The following TNS3 variants were observed in gnomAD, a reference collection of about 807,000 sequenced individuals.
TNS3 encodes the protein tensin-3.
Under a neutral mutation model 140.9 loss-of-function variants are expected in TNS3, and 45 were observed. The ratio of observed to expected loss-of-function variants is 0.32; its 90% CI spans 0.25 to 0.41. TNS3 has a LOEUF of 0.41. TNS3 is among the 10% of genes least tolerant of loss of function. The pLI is 1.00. For synonymous variants in TNS3, 815 were observed against 788.4 expected (o/e 1.03, Z -0.56); for missense variants, 1,716 against 1,906.7 (o/e 0.90, Z 1.86).
chr7:47,572,034 G>A (rs1042517025), intron 1 of TNS3, among the ~76,000 whole-genome samples: 9 of 152,208 alleles, frequency 5.9e-5, no homozygotes, highest in East Asian at 3.8e-4. Context: ...GCATGACCAC[G>A]CAGAGGGGCC....
chr7:47,404,742 G>A (rs1305991740), intron 13 of TNS3, among the ~76,000 whole-genome samples: 2 of 152,086 alleles, frequency 1.3e-5, no homozygotes, highest in African/African-American at 4.8e-5. Flanking sequence ...CAAAAAGCCG[G>A]TCATGGGGGC....
chr7:47,530,095 GAGAA>G lies in TNS3; in HGVS notation c.-264-952_-264-949del, dbSNP rs1306666677. The stretch of plus-strand genomic sequence containing the variant: ...GAGAAATAAAAGCCTATGTCCACAA[GAGAA>G]AGAAAGGTCATAACAGCTTTATATA... On this transcript the variant is annotated intron_variant, in intron 1 of 30. Coordinates refer to ENST00000311160, the MANE Select transcript of TNS3 (RefSeq NM_022748.12). Among the ~76,000 whole-genome samples, 39 of 152,228 alleles carry G rather than the reference GAGAA, an allele frequency of 2.6e-4. No homozygotes were observed. In the East Asian group the frequency reaches 2.9e-3, roughly 11 times the overall value.
chr7:47,367,607 T>A (rs550207423), intron 17 of TNS3, among the ~76,000 whole-genome samples: 25 of 152,146 alleles, frequency 1.6e-4, no homozygotes, highest in Non-Finnish European at 3.4e-4. Context: ...GCAGTTAGCA[T>A]GACCCCGGCC....
intron 10 of TNS3, 24 bp downstream of exon 10, chr7:47,424,077 C>G (rs1794518557): frequency 6.2e-7 from 1 of 1,612,206 alleles, no homozygotes; most frequent in East Asian, 2.2e-5. Flanking sequence ...CCTCTTCACT[C>G]TGGCTTTGGG....
intron 1 of TNS3, among the ~76,000 whole-genome samples, chr7:47,578,302 C>T (rs1447261193): frequency 6.6e-6 from 1 of 151,972 alleles, no homozygotes; most frequent in Non-Finnish European, 1.5e-5. Flanking sequence ...AGCAAGACTC[C>T]ATCTCAAAAA....
At chr7:47,320,044 T>C (rs1168089064) in intron 20 of TNS3, among the ~76,000 whole-genome samples, 1 of 152,230 alleles carries the variant, frequency 6.6e-6, no homozygotes, top group African/African-American at 2.4e-5. Flanking sequence ...TGTACTCTCA[T>C]TGCAGTAAAT....
intron 13 of TNS3, among the ~76,000 whole-genome samples, chr7:47,402,312 C>T (rs899646791): frequency 3.3e-5 from 5 of 152,196 alleles, no homozygotes; most frequent in Admixed American, 2.0e-4. Flanking sequence ...TACGGCCTGG[C>T]GCTGGCCAGC....
intron 16 of TNS3, among the ~76,000 whole-genome samples, chr7:47,374,651 A>G (rs751089324): frequency 1.7e-4 from 26 of 152,202 alleles, no homozygotes; most frequent in Non-Finnish European, 3.1e-4. Context: ...CCAATGAGAA[A>G]CCAAACAGGA....
chr7:47,430,361 G>A (rs1460217242), intron 8 of TNS3, among the ~76,000 whole-genome samples: 1 of 151,884 alleles, frequency 6.6e-6, no homozygotes, highest in Non-Finnish European at 1.5e-5. Context: ...AACTCCCGAT[G>A]TCAGGTGATC....
intron 1 of TNS3, among the ~76,000 whole-genome samples, chr7:47,562,802 A>G (rs1474706740): frequency 2.0e-5 from 3 of 152,210 alleles, no homozygotes; most frequent in African/African-American, 7.2e-5. Context: ...ATTCTTAACT[A>G]CGTACAAAAC....
intron 1 of TNS3, among the ~76,000 whole-genome samples, chr7:47,548,073 T>C (rs1403842584): frequency 1.3e-5 from 2 of 152,166 alleles, no homozygotes; most frequent in Non-Finnish European, 2.9e-5. Flanking sequence ...GCTAATTTTG[T>C]ATTTTTAGTA....
chr7:47,572,172 T>C (rs1317841639), intron 1 of TNS3, among the ~76,000 whole-genome samples: 2 of 152,196 alleles, frequency 1.3e-5, no homozygotes, highest in Non-Finnish European at 2.9e-5. Flanking sequence ...CAAACATCTT[T>C]TACTCACAAA....
At chr7:47,509,467 C>G (rs114525923) in intron 2 of TNS3, among the ~76,000 whole-genome samples, 3,284 of 152,204 alleles carry the variant, frequency 0.022, 105 homozygotes, top group African/African-American at 0.074. Flanking sequence ...GATACTTTCC[C>G]GTATGTTACT....
chr7:47,297,372 T>G (rs969478491), intron 23 of TNS3, among the ~76,000 whole-genome samples, 159 bp from the exon 24 acceptor site: 1 of 151,876 alleles, frequency 6.6e-6, no homozygotes, highest in East Asian at 1.9e-4. Context: ...GAACTACATG[T>G]CCATGCAGTT....
At chr7:47,484,644 G>A (rs929838363) in intron 3 of TNS3, among the ~76,000 whole-genome samples, 1 of 152,192 alleles carries the variant, frequency 6.6e-6, no homozygotes, top group Non-Finnish European at 1.5e-5. Context: ...CAGTGCTTCC[G>A]TGCACAGAGC....
At chr7:47,444,668 C>A (rs1562751085) in intron 4 of TNS3, among the ~76,000 whole-genome samples, 2 of 148,764 alleles carry the variant, frequency 1.3e-5, no homozygotes, top group Non-Finnish European at 3.0e-5. Context: ...AAGGGCAGGT[C>A]AGACAGACCC....
In TNS3 at chr7:47,396,910, C is replaced by G. The variant is rs747991946; in HGVS notation, c.920-6G>C. ...GTTGTACAAGTGTTCGGACCCTGCA[C>G]AGAGCACAGGCAGCAACATTAGTCC... On this transcript the variant is annotated splice_region_variant and splice_polypyrimidine_tract_variant and intron_variant, in intron 15 of 30. Transcript: ENST00000311160. 1.3e-5 allele frequency: 21 copies of G among 1,609,722 alleles called. No homozygotes were observed. In the African/African-American group the frequency reaches 2.5e-4, roughly 19 times the overall value.
At chr7:47,454,174 T>C (rs1421034480) in intron 4 of TNS3, among the ~76,000 whole-genome samples, 1 of 152,216 alleles carries the variant, frequency 6.6e-6, no homozygotes, top group African/African-American at 2.4e-5. Flanking sequence ...TGGTGTCTCC[T>C]TCCAGGCTGA....
intron 20 of TNS3, among the ~76,000 whole-genome samples, chr7:47,317,477 T>C (rs866900858): frequency 2.0e-5 from 3 of 152,228 alleles, no homozygotes; most frequent in Non-Finnish European, 2.9e-5. Context: ...ACCAGTTTAG[T>C]TGGTGTTGTG....
Sources: allele counts gnomAD v4.1 joint callset (sites outside exome capture counted in the v4.1 genomes callset), GRCh38; gene constraint gnomAD v4.1.1; transcripts MANE v1.5; gene names NCBI Gene and HGNC (gene_info 2026-07-23, HGNC 2026-07-21).